Variants in PRSS23 observed in about 807,000 individuals in gnomAD.
The protein encoded by PRSS23 is protease, serine 23.
PRSS23 carries 25 observed loss-of-function variants against 34.7 expected under a neutral mutation model. That is an observed-to-expected ratio of 0.72 (90% confidence interval 0.53 to 1.01). The LOEUF (loss-of-function observed/expected upper bound fraction) is 1.01. PRSS23 is among the 50% of genes least tolerant of loss of function. The probability of loss-of-function intolerance (pLI) is 0.00; values close to 1 mark genes in which losing one functional copy is unlikely to be tolerated. For synonymous variants in PRSS23, 176 were observed against 186.6 expected, an observed-to-expected ratio of 0.94 and a Z score of 0.46; for missense variants, 445 against 475.6, an observed-to-expected ratio of 0.94 and a Z score of 0.60.
At chr11:86,831,495 A>G (rs555508800) in intron 2 of PRSS23, among the ~76,000 whole-genome samples, 32 of 152,068 alleles carry the variant, frequency 2.1e-4, no homozygotes, top group African/African-American at 7.5e-4. Flanking sequence ...TTAATGTTAC[A>G]CGTGGTATAC....
At chr11:86,852,159 G>A (rs527707012) in intron 2 of PRSS23, among the ~76,000 whole-genome samples, 5 of 152,230 alleles carry the variant, frequency 3.3e-5, no homozygotes, top group African/African-American at 4.8e-5. Context: ...TCCTCCCTGC[G>A]TGGTGCACGA....
intron 1 of PRSS23, among the ~76,000 whole-genome samples, chr11:86,805,622 C>G (rs1376496301): frequency 6.6e-6 from 1 of 152,126 alleles, no homozygotes; most frequent in Non-Finnish European, 1.5e-5. Context: ...TTATTTCTTT[C>G]TTTTCCTATC....
intron 2 of PRSS23, among the ~76,000 whole-genome samples, chr11:86,844,624 T>C (rs1948472775): frequency 6.6e-6 from 1 of 152,244 alleles, no homozygotes; most frequent in Non-Finnish European, 1.5e-5. Context: ...ATTTCTTTTT[T>C]ATTAGACCTA....
intron 2 of PRSS23, among the ~76,000 whole-genome samples, chr11:86,941,600 G>A (rs1480793193): frequency 3.3e-5 from 5 of 152,152 alleles, no homozygotes; most frequent in Non-Finnish European, 5.9e-5. Context: ...ACTCCAAGTT[G>A]GACTTCGTAT....
intron 2 of PRSS23, among the ~76,000 whole-genome samples, chr11:86,890,635 C>T (rs1451231405): frequency 1.3e-5 from 2 of 152,144 alleles, no homozygotes; most frequent in Admixed American, 6.5e-5. Flanking sequence ...GGAAGTGAAA[C>T]ACGGGCTGTA....
downstream of PRSS23, among the ~76,000 whole-genome samples, chr11:86,815,736 G>GTGTC (rs892956579): frequency 6.6e-6 from 1 of 152,130 alleles, no homozygotes; most frequent in Admixed American, 6.5e-5. Context: ...GAGAAAGTGA[G>GTGTC]TGTCTGTCTG....
intron 2 of PRSS23, among the ~76,000 whole-genome samples, chr11:86,832,025 C>T (rs751628626): frequency 2.6e-5 from 4 of 151,568 alleles, no homozygotes; most frequent in Non-Finnish European, 5.9e-5. Flanking sequence ...TGATATTACT[C>T]ATAATATCCG....
At chr11:86,951,933 C>G (rs1296102273) in exon 3 of PRSS23, 2 of 1,613,780 alleles carry the variant, frequency 1.2e-6, no homozygotes, top group Non-Finnish European at 1.7e-6. Flanking sequence ...TCCCGGCCTA[C>G]AGTCAGCCTG....
At chr11:86,859,728 G>T (rs1354692263) in intron 2 of PRSS23, among the ~76,000 whole-genome samples, 1 of 151,860 alleles carries the variant, frequency 6.6e-6, no homozygotes, top group Non-Finnish European at 1.5e-5. Context: ...ATCCTGGGGG[G>T]AGAGAATGAT....
At chr11:86,894,947 C>T (rs550895045) in intron 2 of PRSS23, among the ~76,000 whole-genome samples, 2 of 152,264 alleles carry the variant, frequency 1.3e-5, no homozygotes, top group East Asian at 1.9e-4. Flanking sequence ...TTACCTTCCT[C>T]TCTATTGAGC....
At chr11:86,921,100 T>C (rs1324426269) in intron 2 of PRSS23, 1 of 152,240 alleles carries the variant, frequency 6.6e-6, no homozygotes, top group Non-Finnish European at 1.5e-5. Context: ...AATATTCTTT[T>C]CTTCTTTCTA....
intron 2 of PRSS23, among the ~76,000 whole-genome samples, chr11:86,849,626 A>G (rs1948514102): frequency 6.6e-6 from 1 of 152,238 alleles, no homozygotes; most frequent in African/African-American, 2.4e-5. Context: ...AAGAAAATGT[A>G]GCAGTCCTTG....
At chr11:86,797,993 T>G (rs1947992348), upstream of PRSS23, among the ~76,000 whole-genome samples, 1 of 152,214 alleles carries the variant, frequency 6.6e-6, no homozygotes, top group African/African-American at 2.4e-5. Flanking sequence ...TATATGCATC[T>G]CTTTAATTTT....
Position 86,819,268 on chromosome 11 carries a change from A to G in PRSS23, c.-11-4109A>G, listed in dbSNP as rs574645377. ...CAGCATCACAGACCTGACACTCTGC[A>G]GAACTCTGGGTCCAGGCCATCTGCA... On this transcript the variant is annotated intron_variant, in intron 1 of 2. Coordinates refer to the PRSS23 transcript ENST00000533902. Among the ~76,000 whole-genome samples, 22 of 152,316 alleles carry G rather than the reference A, an allele frequency of 1.4e-4. No homozygotes were observed. The East Asian group carries it at 3.7e-3, about 25-fold the overall frequency.
intron 2 of PRSS23, among the ~76,000 whole-genome samples, chr11:86,938,739 G>A (rs1949181007): frequency 7.6e-6 from 1 of 131,216 alleles, no homozygotes; most frequent in Non-Finnish European, 1.6e-5. Flanking sequence ...GGGGCTGGGG[G>A]TAGGGGTGGG....
Position 86,878,834 on chromosome 11 carries a change from C to T in PRSS23, c.206+55241C>T, listed in dbSNP as rs566229025. Among the ~76,000 whole-genome samples, 318 of 151,732 alleles carry T rather than the reference C, an allele frequency of 2.1e-3. 1 individual carries two copies. The highest frequency in any genetic ancestry group is 7.2e-3 in the African/African-American group (296 of 41,304). ...GGAAGTGAGGAGCGCCTCTTCCCTG[C>T]GGCCATCCCGTCTAGGAAGTGAGGA... On this transcript the variant is annotated intron_variant, in intron 2 of 2. Coordinates refer to the PRSS23 transcript ENST00000533902.
intron 2 of PRSS23, chr11:86,910,845 G>A (rs1390293337): frequency 6.6e-6 from 1 of 152,154 alleles, no homozygotes; most frequent in Non-Finnish European, 1.5e-5. Flanking sequence ...ATCTATTAGA[G>A]TGGGAGAAAG....
At chr11:86,848,779 A>G (rs1948506951) in intron 2 of PRSS23, among the ~76,000 whole-genome samples, 1 of 152,182 alleles carries the variant, frequency 6.6e-6, no homozygotes, top group Non-Finnish European at 1.5e-5. Flanking sequence ...ACAGGCCAAA[A>G]TGGAAAAGCA....
chr11:86,905,061 A>G (rs1427471391), intron 2 of PRSS23, among the ~76,000 whole-genome samples: 3 of 152,158 alleles, frequency 2.0e-5, no homozygotes, highest in African/African-American at 7.2e-5. Context: ...GTCTCAAAAC[A>G]GCAACAAAAC....
Sources: gnomAD v4.1 joint callset for allele counts (sites outside exome capture counted in the v4.1 genomes callset) on GRCh38, gnomAD v4.1.1 for gene constraint, MANE v1.5 for transcripts, NCBI Gene and HGNC (gene_info 2026-07-23, HGNC 2026-07-21) for gene names.